FSHR: variants seen among roughly 807,000 people sequenced by gnomAD.
The protein encoded by FSHR is follicle stimulating hormone receptor.
In FSHR, 46 loss-of-function variants were observed where a neutral mutation model predicts 52.1. That is an observed-to-expected ratio of 0.88 (90% confidence interval 0.70 to 1.13). The LOEUF is 1.13. Among genes scored for constraint, FSHR ranks in the 50% most tolerant of loss-of-function variants. The probability of loss-of-function intolerance (pLI) is 0.00; values close to 1 mark genes in which losing one functional copy is unlikely to be tolerated. For missense variants in FSHR, 964 were observed against 834.6 expected (o/e 1.16, Z -1.91); for synonymous variants, 399 against 309.6 (o/e 1.29, Z -3.03).
Position 49,074,193 on chromosome 2 carries a change from T to C in FSHR, c.153-5903A>G, listed in dbSNP as rs377126097. 3.9e-5 allele frequency among the ~76,000 whole-genome samples: 6 copies of C among 151,964 alleles called. No homozygotes were observed. The East Asian group carries it at 9.6e-4, about 24-fold the overall frequency. On this transcript the variant is annotated intron_variant, in intron 1 of 9. Transcript: ENST00000406846. ...AAGGAAAAATAAACAAATGGGATTATGTCAAACCAAAAAGCTTCTTCACAG... is the reference window on the plus strand; with the variant it reads ...AAGGAAAAATAAACAAATGGGATTACGTCAAACCAAAAAGCTTCTTCACAG...
intron 2 of FSHR, among the ~76,000 whole-genome samples, chr2:49,059,099 G>A (rs1247703184): frequency 6.6e-6 from 1 of 151,970 alleles, no homozygotes; most frequent in East Asian, 1.9e-4. Flanking sequence ...TAGCTACTTG[G>A]GAGGCTAAGG....
intron 2 of FSHR, among the ~76,000 whole-genome samples, chr2:49,031,477 T>C (rs1486623915): frequency 2.6e-5 from 4 of 152,228 alleles, no homozygotes; most frequent in Non-Finnish European, 5.9e-5. Flanking sequence ...CTTTCCCTTT[T>C]TTCAACACGT....
At chr2:48,998,435 C>A (rs1676120553) in intron 4 of FSHR, among the ~76,000 whole-genome samples, 1 of 152,024 alleles carries the variant, frequency 6.6e-6, no homozygotes. Flanking sequence ...ATTTTCTAAC[C>A]AGTTTGTTTC....
rs1479351175 is a variant in FSHR at position 49,127,748 on chromosome 2, TTCTTTCTTC to T, written c.152+26509_152+26517del. Among the ~76,000 whole-genome samples, 663 of 116,030 alleles carry T rather than the reference TTCTTTCTTC, an allele frequency of 5.7e-3. 66 individuals are homozygous for T. Among genetic ancestry groups the T allele is most frequent in the African/African-American group, 0.02 (622 of 31,028 alleles). The allele number at this position is 116,030 out of a possible 152,430, so 76.1% of individuals were successfully genotyped here. On this transcript the variant is annotated intron_variant, in intron 1 of 9. Coordinates refer to ENST00000406846, the MANE Select transcript of FSHR (RefSeq NM_000145.4). ...TTGATTTGTGCATGATTTCTTCTTC[TTCTTTCTTC>T]TTCTTCTTCTTCTTCTTCTTCTTCT...
At chr2:49,021,880 TATATATAGAGAGAGAGAGAGAGAGAGAG>T (rs1234695195) in intron 2 of FSHR, among the ~76,000 whole-genome samples, 2 of 51,304 alleles carry the variant, frequency 3.9e-5, no homozygotes, top group African/African-American at 1.4e-4. Context: ...TATATATATA[TATATATAGAGAGAGAGAGAGAGAGAGAG>T]AGAGAGAGAG....
At position 49,051,321 on chromosome 2, in the gene FSHR, C is replaced by T. The variant is rs552971607; in HGVS notation, c.224+16898G>A. Among the ~76,000 whole-genome samples the T allele has an allele frequency of 2.6e-5, 4 of 152,220 alleles. No homozygotes were observed. In the South Asian group the frequency reaches 6.2e-4, roughly 24 times the overall value. ...TCTCACCAAACATGTAGGAGAGTTC[C>T]AGTTGCTTCACAGCCTCACCAGTAA... On this transcript the variant is annotated intron_variant, in intron 2 of 9. Transcript: ENST00000406846.
intron 1 of FSHR, among the ~76,000 whole-genome samples, chr2:49,115,291 A>T (rs1671559835): frequency 6.6e-6 from 1 of 151,920 alleles, no homozygotes; most frequent in Non-Finnish European, 1.5e-5. Context: ...CATTTTTTAG[A>T]TGTGAAACAT....
chr2:48,968,621 G>A (rs1674586509), intron 9 of FSHR, 77 bp downstream of exon 9: 2 of 1,528,932 alleles, frequency 1.3e-6, no homozygotes, highest in African/African-American at 1.4e-5. Flanking sequence ...TTCTCTTCAT[G>A]TCACAGATAG....
intron 2 of FSHR, among the ~76,000 whole-genome samples, chr2:49,038,494 GA>G (rs1167735377): frequency 4.6e-5 from 7 of 151,560 alleles, no homozygotes; most frequent in Non-Finnish European, 7.4e-5. Context: ...GCGTGGTGGG[GA>G]GCACCTGTAG....
Position 49,077,518 on chromosome 2 carries a change from C to T in FSHR, c.153-9228G>A, listed in dbSNP as rs553189451. ...TCTAACGTGCCCTGGAGACATTTCC[C>T]CATGTTGTCTTGGGTATTAACATTC... On this transcript the variant is annotated intron_variant, in intron 1 of 9. Coordinates refer to ENST00000406846, the MANE Select transcript of FSHR (RefSeq NM_000145.4). 2.0e-5 allele frequency among the ~76,000 whole-genome samples: 3 copies of T among 152,154 alleles called. No homozygotes were observed. The East Asian group carries it at 5.8e-4, about 29-fold the overall frequency.
intron 1 of FSHR, among the ~76,000 whole-genome samples, chr2:49,085,047 GA>G (rs1165557665): frequency 2.6e-5 from 4 of 152,060 alleles, no homozygotes; most frequent in Non-Finnish European, 5.9e-5. Context: ...AACAAAAAAA[GA>G]GAATTTTAGA....
chr2:49,025,097 C>T (rs1189115075), intron 2 of FSHR, among the ~76,000 whole-genome samples: 2 of 152,138 alleles, frequency 1.3e-5, no homozygotes, highest in African/African-American at 2.4e-5. Context: ...ACAATAAAAC[C>T]GTGTTCCTGA....
chr2:49,103,371 A>G (rs547253995), intron 1 of FSHR, among the ~76,000 whole-genome samples: 1 of 152,280 alleles, frequency 6.6e-6, no homozygotes, highest in African/African-American at 2.4e-5. Flanking sequence ...ATCTCTCACA[A>G]CACAGTCAGT....
chr2:49,027,407 G>GGATGA (rs1173822702), intron 2 of FSHR, among the ~76,000 whole-genome samples: 3 of 152,142 alleles, frequency 2.0e-5, no homozygotes, highest in Non-Finnish European at 4.4e-5. Context: ...AAGAATGAAG[G>GGATGA]GATGAGTAGA....
At chr2:49,142,062 T>C (rs1167169462) in intron 1 of FSHR, among the ~76,000 whole-genome samples, 3 of 152,206 alleles carry the variant, frequency 2.0e-5, no homozygotes, top group Non-Finnish European at 2.9e-5. Context: ...TTACATTCAG[T>C]CTTTCCTTCT....
chr2:49,090,441 A>G (rs1006440089), intron 1 of FSHR, among the ~76,000 whole-genome samples: 1 of 152,164 alleles, frequency 6.6e-6, no homozygotes, highest in Admixed American at 6.5e-5. Context: ...ATAGGTCAAT[A>G]AGTAGTTTGT....
intron 2 of FSHR, among the ~76,000 whole-genome samples, chr2:49,040,730 G>A (rs942818998): frequency 9.2e-5 from 14 of 152,172 alleles, no homozygotes; most frequent in African/African-American, 3.4e-4. Context: ...CCTTGAAGAT[G>A]AATAATAGCA....
At chr2:49,102,277 T>C (rs1259281750) in intron 1 of FSHR, among the ~76,000 whole-genome samples, 1 of 152,070 alleles carries the variant, frequency 6.6e-6, no homozygotes. Context: ...TCATCCTCCT[T>C]TGGGACTTTG....
chr2:49,055,563 A>C (rs59130487), intron 2 of FSHR, among the ~76,000 whole-genome samples: 1 of 125,998 alleles, frequency 7.9e-6, no homozygotes, highest in Non-Finnish European at 1.7e-5. Flanking sequence ...AAAAAAAAAA[A>C]CCCAAATAGG....
Sources: allele counts gnomAD v4.1 joint callset (sites outside exome capture counted in the v4.1 genomes callset), GRCh38; gene constraint gnomAD v4.1.1; transcripts MANE v1.5; gene names NCBI Gene and HGNC (gene_info 2026-07-23, HGNC 2026-07-21).